The following CHST8 variants were observed in gnomAD, a reference collection of about 807,000 sequenced individuals.
CHST8 encodes GALNAC-4-ST1.
A neutral mutation model predicts 15.0 loss-of-function variants in CHST8; 10 were observed. The ratio of observed to expected loss-of-function variants is 0.67; its 90% confidence interval spans 0.41 to 1.13. The LOEUF is 1.13. Among genes scored for constraint, CHST8 ranks in the 50% most tolerant of loss-of-function variants. CHST8 has a pLI of 0.00. For missense variants in CHST8, 634 were observed against 608.2 expected, an observed-to-expected ratio of 1.04 and a Z score of -0.45; for synonymous variants, 259 against 256.6, an observed-to-expected ratio of 1.01 and a Z score of -0.09.
chr19:33,754,819 GT>G (rs1353086173), intron 3 of CHST8, among the ~76,000 whole-genome samples: 2 of 152,350 alleles, frequency 1.3e-5, no homozygotes, highest in Middle Eastern at 3.4e-3. Context: ...CAAATCTGTT[GT>G]GGATGTGAAC....
intron 3 of CHST8, among the ~76,000 whole-genome samples, chr19:33,716,279 A>G (rs1008051253): frequency 3.9e-5 from 6 of 151,902 alleles, no homozygotes; most frequent in Admixed American, 3.9e-4. Context: ...GCTTCTTTTG[A>G]TGTCTCTTGT....
chr19:33,715,738 T>G lies in CHST8; in HGVS notation c.130+26347T>G, dbSNP rs553095010. 8.5e-5 allele frequency among the ~76,000 whole-genome samples: 13 copies of G among 152,352 alleles called. No individual in the cohort carries two copies. The South Asian group carries it at 2.7e-3, about 32-fold the overall frequency. On this transcript the variant is annotated intron_variant, in intron 3 of 4. Transcript: ENST00000650847. ...GAGCTTACGATCATGTCCAACCAGC[T>G]GCCTCTGCCTCCTATCCCTCCTATT...
Position 33,772,623 on chromosome 19 carries a change from T to C in CHST8, c.835T>C (p.Tyr279His), listed in dbSNP as rs1459276557. 1 of 1,614,014 alleles carries C rather than the reference T, an allele frequency of 6.2e-7. No homozygotes were observed. Residue 279 changes from tyrosine to histidine, a missense_variant, in exon 5 of 5, where the codon TAT becomes CAT. Physicochemically the swap from Tyr to His is moderately conservative, Grantham distance 83. Transcript: ENST00000650847. ...CAAGTTTGAGCACCCCAACAGCTACTATCACCCGGTCTTCGGCAAGGCCAT... is the reference window on the plus strand; with the variant it reads ...CAAGTTTGAGCACCCCAACAGCTACCATCACCCGGTCTTCGGCAAGGCCAT... ...RDKFEHPNSY[Y>H]HPVFGKAILA...
At chr19:33,701,658 C>T (rs1041657534) in intron 3 of CHST8, among the ~76,000 whole-genome samples, 3 of 143,712 alleles carry the variant, frequency 2.1e-5, no homozygotes, top group South Asian at 4.4e-4. Context: ...CTTTGAAAAC[C>T]GCAGAGCTCC....
chr19:33,739,360 TA>T (rs988845526), intron 3 of CHST8, among the ~76,000 whole-genome samples: 3 of 152,148 alleles, frequency 2.0e-5, no homozygotes, highest in Non-Finnish European at 2.9e-5. Flanking sequence ...GTGGAAGCCA[TA>T]AGCCATCCCT....
chr19:33,712,486 G>A (rs966470480), intron 3 of CHST8, among the ~76,000 whole-genome samples: 1 of 152,172 alleles, frequency 6.6e-6, no homozygotes, highest in Admixed American at 6.5e-5. Context: ...TGGGCGGGCA[G>A]GGAGTGAAAC....
chr19:33,752,123 G>T (rs1465963695), intron 3 of CHST8, among the ~76,000 whole-genome samples: 1 of 152,120 alleles, frequency 6.6e-6, no homozygotes, highest in Non-Finnish European at 1.5e-5. Flanking sequence ...GCTCCGCCTA[G>T]CGGGTATTGG....
rs1462163182 is a variant in CHST8, at chr19:33,773,056, T to A, written c.1268T>A (p.Leu423Gln). 1.3e-6 allele frequency: 2 copies of A among 1,593,594 alleles called. No individual in the cohort carries two copies. The highest frequency in any genetic ancestry group is 3.3e-4 in the Middle Eastern group (2 of 6,002). ...AACTATTCCAAGCCCTTTGCAGATC[T>A]GTACTGAGGGGCGCCGCAGCTGGCC... Reference protein sequence around the residue: ...MFNYSKPFADLY With the variant: ...MFNYSKPFADQY The change falls in exon 5 of 5, where the codon CTG becomes CAG. Residue 423 changes from leucine to glutamine, a missense_variant. Coordinates refer to ENST00000650847, the MANE Select transcript of CHST8 (RefSeq NM_001127895.2).
At chr19:33,637,507 A>G (rs1301209578) in intron 1 of CHST8, among the ~76,000 whole-genome samples, 2 of 149,000 alleles carry the variant, frequency 1.3e-5, no homozygotes, top group African/African-American at 5.0e-5. Context: ...GGTTCACGCC[A>G]TTCTCCTGCC....
At chr19:33,742,300 T>C (rs1974209126) in intron 3 of CHST8, among the ~76,000 whole-genome samples, 2 of 152,172 alleles carry the variant, frequency 1.3e-5, no homozygotes, top group Non-Finnish European at 2.9e-5. Context: ...TGAGACTGGG[T>C]AATTTAAAAG....
At chr19:33,695,821 C>CTTTCTTTCTTTCTTT (rs57718433) in intron 3 of CHST8, among the ~76,000 whole-genome samples, 22 of 76,242 alleles carry the variant, frequency 2.9e-4, no homozygotes, top group African/African-American at 3.7e-4. Context: ...TTCTTTCTTT[C>CTTTCTTTCTTTCTTT]TTTTTTTTTT....
At chr19:33,676,349 C>T (rs1422810791) in intron 2 of CHST8, among the ~76,000 whole-genome samples, 6 of 152,122 alleles carry the variant, frequency 3.9e-5, no homozygotes, top group African/African-American at 2.4e-5. Context: ...GCAGGCGGAT[C>T]GCTTGAGGCC....
At chr19:33,658,459 A>G (rs1423801933) in intron 1 of CHST8, among the ~76,000 whole-genome samples, 1 of 152,230 alleles carries the variant, frequency 6.6e-6, no homozygotes, top group African/African-American at 2.4e-5. Context: ...GCCAAAATGT[A>G]TCCTTTAAAA....
intron 3 of CHST8, among the ~76,000 whole-genome samples, chr19:33,742,435 G>A (rs1037024372): frequency 6.6e-6 from 1 of 152,154 alleles, no homozygotes; most frequent in Non-Finnish European, 1.5e-5. Context: ...CACATAGCGA[G>A]AGAGGGAACA....
At chr19:33,706,582 C>T (rs1356406478) in intron 3 of CHST8, among the ~76,000 whole-genome samples, 2 of 152,110 alleles carry the variant, frequency 1.3e-5, no homozygotes, top group Admixed American at 6.5e-5. Context: ...AGTTGTCTGT[C>T]GGTTGTCAGC....
At position 33,771,960 on chromosome 19, in the gene CHST8, C is replaced by A. The variant is rs1156636098; in HGVS notation, c.172C>A (p.Leu58Ile). The change falls in exon 5 of 5, where the codon CTC becomes ATC. Residue 58 changes from leucine (L) to isoleucine (I), a missense_variant. Physicochemically the swap from Leu to Ile is conservative, Grantham distance 5 (BLOSUM62 2). Transcript: ENST00000650847. ...NIRPRQPHHD[L>I]PPGGSQDGDL... Reference sequence around the variant, plus strand: ...ACCACTTCTCTTCTTGCCCCAGGACCTCCCACCAGGCGGCTCCCAGGATGG... The same window carrying A: ...ACCACTTCTCTTCTTGCCCCAGGACATCCCACCAGGCGGCTCCCAGGATGG... The A allele has an allele frequency of 1.2e-5, 19 of 1,562,782 alleles. No individual in the cohort carries two copies. The East Asian group carries it at 3.8e-4, about 32-fold the overall frequency.
At chr19:33,694,158 T>G (rs1414848685) in intron 3 of CHST8, among the ~76,000 whole-genome samples, 10 of 93,378 alleles carry the variant, frequency 1.1e-4, no homozygotes, top group Admixed American at 2.3e-4. Context: ...CAGATTCTAT[T>G]GTAGTTTATT....
chr19:33,750,097 C>T (rs1226299472), intron 3 of CHST8, among the ~76,000 whole-genome samples: 2 of 152,124 alleles, frequency 1.3e-5, no homozygotes, highest in African/African-American at 4.8e-5. Context: ...GAAGGCAGGG[C>T]CCCTCGCCAA....
intron 3 of CHST8, among the ~76,000 whole-genome samples, chr19:33,725,317 T>A (rs1387369033): frequency 6.6e-6 from 1 of 152,110 alleles, no homozygotes; most frequent in Non-Finnish European, 1.5e-5. Flanking sequence ...CCTGCTGTTG[T>A]GGGCCCCTCC....
Sources: allele counts gnomAD v4.1 joint callset (sites outside exome capture counted in the v4.1 genomes callset), GRCh38; gene constraint gnomAD v4.1.1; transcripts MANE v1.5; gene names NCBI Gene and HGNC (gene_info 2026-07-23, HGNC 2026-07-21).